Variants in CD109 observed in about 807,000 individuals in gnomAD.
CD109 encodes the protein CD109 antigen.
Under a neutral mutation model 165.8 loss-of-function variants are expected in CD109, and 149 were observed. That is an observed-to-expected ratio of 0.90 (90% CI 0.79 to 1.03). The LOEUF (loss-of-function observed/expected upper bound fraction) is 1.03. Ranked by LOEUF, CD109 falls within the 50% of genes least tolerant of loss-of-function variation. The probability of loss-of-function intolerance (pLI) is 0.00; values close to 1 mark genes in which losing one functional copy is unlikely to be tolerated. For missense variants in CD109, 1,712 were observed against 1,677.8 expected, an observed-to-expected ratio of 1.02 and a Z score of -0.36; for synonymous variants, 585 against 592.1, an observed-to-expected ratio of 0.99 and a Z score of 0.18.
At chr6:73,723,403 GT>G in intron 3 of CD109, 124 bp downstream of exon 3, 2 of 755,116 alleles carry the variant, frequency 2.6e-6, no homozygotes, top group Non-Finnish European at 2.2e-6. Context: ...TTTGGCTTGA[GT>G]TTAGTTCAGC....
intron 2 of CD109, among the ~76,000 whole-genome samples, chr6:73,722,248 G>T (rs1439155538): frequency 6.6e-6 from 1 of 152,168 alleles, no homozygotes; most frequent in East Asian, 1.9e-4. Context: ...CATATTTCAA[G>T]TGTTTTCTAT....
the CD109 span, among the ~76,000 whole-genome samples, chr6:73,680,995 T>C: frequency 6.6e-6 from 1 of 152,148 alleles, no homozygotes; most frequent in Admixed American, 6.5e-5. Context: ...GCCTAGAAAT[T>C]TGCCTATTTT....
At chr6:73,797,124 C>T (rs1024242742) in intron 23 of CD109, among the ~76,000 whole-genome samples, 2 of 152,132 alleles carry the variant, frequency 1.3e-5, no homozygotes, top group African/African-American at 4.8e-5. Context: ...TTATGAACAG[C>T]GCATTGTTTT....
intron 27 of CD109, 23 bp from the exon 28 acceptor site, chr6:73,810,969 A>C (rs1775735392): frequency 6.2e-7 from 1 of 1,604,904 alleles, no homozygotes; most frequent in South Asian, 1.1e-5. Context: ...TTATATGTAC[A>C]AATGTTTTTC....
At position 73,811,046 on chromosome 6, in the gene CD109, G is replaced by T; in HGVS notation, c.3601G>T (p.Glu1201Ter). 5 of 1,613,484 alleles carry T rather than the reference G, an allele frequency of 3.1e-6. No individual in the cohort carries two copies. The South Asian group carries it at 5.5e-5, about 18-fold the overall frequency. Residue 1201 changes from glutamate to a stop codon, truncating the protein, a stop_gained, in exon 28 of 33, where the codon GAA (glutamate) becomes TAA (stop). Transcript: ENST00000287097. LOFTEE classifies it high-confidence loss of function. ...TGAATTTGCAGCCCTAATGAATACA[G>T]AAAGGACAAATATCCAAGTGACCGT... ...LSEFAALMNT[E>*]RTNIQVTVTG... is the part of the protein sequence containing the mutation.
the CD109 span, among the ~76,000 whole-genome samples, chr6:73,686,692 C>A: frequency 6.6e-6 from 1 of 152,060 alleles, no homozygotes; most frequent in Non-Finnish European, 1.5e-5. Flanking sequence ...TCAGTCCTCT[C>A]TCTTTCTTTC....
intron 2 of CD109, among the ~76,000 whole-genome samples, chr6:73,702,418 T>C (rs1771118059): frequency 6.6e-6 from 1 of 152,148 alleles, no homozygotes; most frequent in Non-Finnish European, 1.5e-5. Context: ...TTTATGAAAG[T>C]AGATTAATTA....
In CD109 at chr6:73,782,768, A is replaced by T. The variant is rs1422124224; in HGVS notation, c.2105+13A>T. The T allele has an allele frequency of 6.2e-7, 1 of 1,612,662 alleles. No individual in the cohort carries two copies. Among genetic ancestry groups the T allele is most frequent in the Non-Finnish European group, 8.5e-7 (1 of 1,179,278 alleles). ...ACACCAACATGGGGTAAAAATTTAT[A>T]AAGTTCTTTGCCCATACATATTTTG... On this transcript the variant is annotated intron_variant, in intron 18 of 32. Coordinates refer to ENST00000287097, the MANE Select transcript of CD109 (RefSeq NM_133493.5).
Position 73,697,505 on chromosome 6 carries a change from G to A in CD109, c.180G>A (p.Ala60=), listed in dbSNP as rs753098241. The A allele has an allele frequency of 3.7e-6, 6 of 1,614,066 alleles. No individual in the cohort carries two copies. In the East Asian group the frequency reaches 6.7e-5, roughly 18 times the overall value. The change falls in exon 2 of 33, where the codon GCG becomes GCA. Residue 60 remains alanine, a synonymous_variant. Coordinates refer to ENST00000287097, the MANE Select transcript of CD109 (RefSeq NM_133493.5). ...EHCPSQVTVK[A]ELLKTASNLT... ...GCCCTTCACAGGTGACTGTGAAGGC[G>A]GAGCTGCTCAAGACAGCATCAAACC...
intron 14 of CD109, among the ~76,000 whole-genome samples, chr6:73,770,246 A>T (rs1176854597): frequency 6.6e-6 from 1 of 152,248 alleles, no homozygotes; most frequent in South Asian, 2.1e-4. Context: ...AAAGATTTAC[A>T]TCTCAGAGAG....
intron 2 of CD109, among the ~76,000 whole-genome samples, chr6:73,707,184 T>G (rs918254076): frequency 2.0e-5 from 3 of 152,272 alleles, no homozygotes; most frequent in African/African-American, 4.8e-5. Context: ...ACTGGATGAA[T>G]TAGCTGTGTC....
In CD109 at chr6:73,816,385, C is replaced by T. The variant is rs561977391; in HGVS notation, c.3911+1262C>T. ...TAATTACAAACTTATATGCCAGGCA[C>T]GGCACCAAACACTTTTACATGCATA... On this transcript the variant is annotated intron_variant, in intron 30 of 32. Transcript: ENST00000287097. 1.2e-4 allele frequency among the ~76,000 whole-genome samples: 18 copies of T among 152,216 alleles called. No individual in the cohort carries two copies. In the South Asian group the frequency reaches 1.9e-3, roughly 16 times the overall value.
Position 73,762,838 on chromosome 6 carries a change from C to G in CD109, c.953C>G (p.Pro318Arg), listed in dbSNP as rs765802724. The change falls in exon 9 of 33, where the codon CCT (proline) becomes CGT (arginine). Residue 318 changes from proline to arginine, a missense_variant. Coordinates refer to ENST00000287097, the MANE Select transcript of CD109 (RefSeq NM_133493.5). ...GLSEYLDLSS[P>R]GPVEILTTVT... ...TCTGAATACCTGGATCTATCTTCCC[C>G]TGGACCAGTAGAAATTTTAACCACA... is the stretch of plus-strand genomic sequence containing the variant. 1.6e-5 allele frequency: 25 copies of G among 1,612,634 alleles called. No homozygotes were observed. Among genetic ancestry groups the G allele is most frequent in the Non-Finnish European group, 2.0e-5 (24 of 1,179,506 alleles).
At chr6:73,748,856 AC>A (rs1206730678) in intron 5 of CD109, among the ~76,000 whole-genome samples, 1 of 152,136 alleles carries the variant, frequency 6.6e-6, no homozygotes, top group Non-Finnish European at 1.5e-5. Context: ...CATTTTGCAA[AC>A]CCTATTGACT....
chr6:73,693,716 A>C (rs1316044864), upstream of CD109, among the ~76,000 whole-genome samples: 1 of 151,216 alleles, frequency 6.6e-6, no homozygotes, highest in East Asian at 2.0e-4. Context: ...ATGCTGGGCT[A>C]ATTTTTGTAT....
intron 15 of CD109, among the ~76,000 whole-genome samples, chr6:73,777,848 A>T (rs551168790): frequency 6.6e-6 from 1 of 152,314 alleles, no homozygotes; most frequent in East Asian, 1.9e-4. Context: ...TGGTAGCATG[A>T]TGCCTCCAGC....
chr6:73,696,168 C>T (rs1376047405), upstream of CD109: 8 of 1,528,016 alleles, frequency 5.2e-6, no homozygotes, highest in East Asian at 1.7e-4. Context: ...CCACGGTGCC[C>T]GCGAACTTCC....
chr6:73,781,707 A>G (rs1039825546), intron 17 of CD109, among the ~76,000 whole-genome samples: 12 of 151,984 alleles, frequency 7.9e-5, no homozygotes, highest in African/African-American at 2.9e-4. Context: ...ATGTTCACCT[A>G]GAAAATAGCC....
chr6:73,805,123 C>A (rs1202976479), intron 24 of CD109, among the ~76,000 whole-genome samples: 1 of 152,076 alleles, frequency 6.6e-6, no homozygotes, highest in Non-Finnish European at 1.5e-5. Context: ...CTAGAAATAC[C>A]ATTTGACCCA....
Sources: allele counts gnomAD v4.1 joint callset (sites outside exome capture counted in the v4.1 genomes callset), GRCh38; gene constraint gnomAD v4.1.1; transcripts MANE v1.5; gene names NCBI Gene and HGNC (gene_info 2026-07-23, HGNC 2026-07-21).